Variants in LITAF observed in about 807,000 individuals in gnomAD.
The protein encoded by LITAF is lipopolysaccharide induced TNF factor, also known as lipopolysaccharide-induced tumor necrosis factor-alpha factor.
In LITAF, 9 loss-of-function variants were observed where a neutral mutation model predicts 14.5. That is an observed-to-expected ratio of 0.62 (90% CI 0.37 to 1.08). The LOEUF (loss-of-function observed/expected upper bound fraction) is 1.08. LITAF is among the 50% of genes least tolerant of loss of function. LITAF has a pLI of 0.01. For synonymous variants in LITAF, 98 were observed against 88.2 expected, an observed-to-expected ratio of 1.11 and a Z score of -0.62; for missense variants, 206 against 213.4, an observed-to-expected ratio of 0.97 and a Z score of 0.22.
At chr16:11,578,038 G>A (rs1371072541) in intron 1 of LITAF, among the ~76,000 whole-genome samples, 2 of 152,144 alleles carry the variant, frequency 1.3e-5, no homozygotes, top group African/African-American at 2.4e-5. Context: ...TGGGGCTACA[G>A]GTGTGCACCA....
intron 3 of LITAF, among the ~76,000 whole-genome samples, chr16:11,614,063 G>A (rs567209864): frequency 1.3e-5 from 2 of 152,196 alleles, no homozygotes; most frequent in South Asian, 2.1e-4. Context: ...GTACAGACGG[G>A]GCAGCTGAGG....
At chr16:11,584,970 G>T (rs1391326693) in intron 1 of LITAF, among the ~76,000 whole-genome samples, 1 of 152,194 alleles carries the variant, frequency 6.6e-6, no homozygotes, top group Non-Finnish European at 1.5e-5. Context: ...CATTTTGGGA[G>T]GCCAAGGCAG....
At chr16:11,563,147 T>C (rs2064397881) in intron 1 of LITAF, among the ~76,000 whole-genome samples, 1 of 133,326 alleles carries the variant, frequency 7.5e-6, no homozygotes, top group Admixed American at 9.0e-5. Context: ...AAAATTATAA[T>C]AATAATAATT....
intron 1 of LITAF, among the ~76,000 whole-genome samples, chr16:11,575,122 T>A (rs1032743806): frequency 6.6e-6 from 1 of 151,980 alleles, no homozygotes; most frequent in Non-Finnish European, 1.5e-5. Flanking sequence ...TTTTTTTTCA[T>A]GTTGCACTAT....
upstream of LITAF, chr16:11,587,694 A>G: frequency 9.4e-6 from 2 of 212,772 alleles, no homozygotes; most frequent in South Asian, 1.1e-4. Flanking sequence ...GCCCCATTTC[A>G]CATCCGCCCC....
rs67633068 is a variant in LITAF at position 11,604,644 on chromosome 16, T to TA, written c.85+28888dup. 9.0e-3 allele frequency among the ~76,000 whole-genome samples: 1,162 copies of TA among 128,536 alleles called. 7 individuals are homozygous for TA. Among genetic ancestry groups the TA allele is most frequent in the Non-Finnish European group, 0.013 (802 of 62,342 alleles). The allele number at this position is 128,536 out of a possible 152,430, so 84.3% of individuals were successfully genotyped here. ...CAACACAGCAAGACTCTGTCTCTCT[T>TA]AAAAAAAAAAAAAAAAAAAAAAGAA... is the stretch of plus-strand genomic sequence containing the variant. On this transcript the variant is annotated intron_variant, in intron 3 of 3. Coordinates refer to the LITAF transcript ENST00000574848.
rs915530248 is a variant in LITAF at position 11,634,576 on chromosome 16, T to A, written c.-20-939A>T. Among the ~76,000 whole-genome samples the A allele has an allele frequency of 6.6e-6, 1 of 152,202 alleles. No individual in the cohort carries two copies. Among genetic ancestry groups the A allele is most frequent in the Non-Finnish European group, 1.5e-5 (1 of 68,032 alleles). The stretch of plus-strand genomic sequence containing the variant: ...CTTTTGAAACGTCTTCTCAGGTTTT[T>A]GCATTTCTGACGATCCACTGAGGAC... On this transcript the variant is annotated intron_variant, in intron 2 of 3. Coordinates refer to the LITAF transcript ENST00000574848. This position sits in a 1 kb window ranked among gnomAD's most constrained non-coding sequence, Gnocchi z 4.1.
intron 3 of LITAF, among the ~76,000 whole-genome samples, chr16:11,614,958 G>A (rs2065008016): frequency 6.6e-6 from 1 of 152,208 alleles, no homozygotes; most frequent in African/African-American, 2.4e-5. Flanking sequence ...GGACCCTGTG[G>A]CCCGCTGTCA....
chr16:11,567,278 G>C (rs1597343454), intron 1 of LITAF, among the ~76,000 whole-genome samples: 2 of 152,252 alleles, frequency 1.3e-5, no homozygotes, highest in South Asian at 4.1e-4. Context: ...AAATTAGCCA[G>C]GCGTGGTGGC....
intron 3 of LITAF, among the ~76,000 whole-genome samples, chr16:11,622,494 T>C (rs1056322607): frequency 1.3e-5 from 2 of 152,214 alleles, no homozygotes; most frequent in Non-Finnish European, 2.9e-5. Context: ...GTGAACTTCA[T>C]TTTAATTCTG....
At chr16:11,556,783 C>T (rs770667765) in intron 1 of LITAF, 48 bp from the exon 2 acceptor site, 1 of 1,480,662 alleles carries the variant, frequency 6.8e-7, no homozygotes, top group Admixed American at 1.7e-5. Flanking sequence ...GTTGATCTCT[C>T]CCTCTCTTTT....
chr16:11,560,479 C>T lies in LITAF; in HGVS notation c.-5-3744G>A, dbSNP rs558760228. On this transcript the variant is annotated intron_variant, in intron 1 of 3. Coordinates refer to ENST00000622633, the MANE Select transcript of LITAF (RefSeq NM_001136472.2). ...TACAGAAATTAGCCAGGTCTGGTGG[C>T]GTGCGCCTGTAATCCCAGCACTTAA... is the stretch of plus-strand genomic sequence containing the variant. Among the ~76,000 whole-genome samples the T allele has an allele frequency of 7.3e-5, 11 of 150,718 alleles. No individual in the cohort carries two copies. The East Asian group carries it at 1.6e-3, about 21-fold the overall frequency.
At chr16:11,585,421 A>G (rs2064792008) in intron 1 of LITAF, among the ~76,000 whole-genome samples, 1 of 152,150 alleles carries the variant, frequency 6.6e-6, no homozygotes, top group Non-Finnish European at 1.5e-5. Context: ...TGTTTCTTAG[A>G]GAGTTTGGTG....
At chr16:11,637,414 C>T (rs994023289), upstream of LITAF, among the ~76,000 whole-genome samples, 1 of 152,260 alleles carries the variant, frequency 6.6e-6, no homozygotes, top group Non-Finnish European at 1.5e-5. Context: ...CAGAACTACT[C>T]AGTCCTCTTT....
At chr16:11,554,408 T>G (rs1473472961) in intron 2 of LITAF, among the ~76,000 whole-genome samples, 1 of 152,118 alleles carries the variant, frequency 6.6e-6, no homozygotes, top group Non-Finnish European at 1.5e-5. Context: ...GTGAACTGTG[T>G]TGATACAAGA....
chr16:11,639,262 T>C (rs909219128), upstream of LITAF, among the ~76,000 whole-genome samples: 7 of 148,502 alleles, frequency 4.7e-5, no homozygotes, highest in African/African-American at 1.0e-4. Context: ...GAGGGAGGAA[T>C]GGATGGATGG....
chr16:11,591,706 T>C (rs1467424171), upstream of LITAF, among the ~76,000 whole-genome samples: 1 of 152,140 alleles, frequency 6.6e-6, no homozygotes, highest in African/African-American at 2.4e-5. Context: ...AGTGGCGTGA[T>C]CTTGGCTCAC....
chr16:11,589,478 G>C (rs2064835555), upstream of LITAF, among the ~76,000 whole-genome samples: 1 of 152,150 alleles, frequency 6.6e-6, no homozygotes, highest in African/African-American at 2.4e-5. Context: ...GATTGAAAAG[G>C]ATAAAGTGAA....
chr16:11,619,671 A>G (rs1597373631), intron 3 of LITAF, among the ~76,000 whole-genome samples: 1 of 151,250 alleles, frequency 6.6e-6, no homozygotes, highest in African/African-American at 2.4e-5. Flanking sequence ...GGCTCAAACC[A>G]CCATCCTGCC....
Sources: gnomAD v4.1 joint callset for allele counts (sites outside exome capture counted in the v4.1 genomes callset) on GRCh38, gnomAD v4.1.1 for gene constraint, Gnocchi (gnomAD v3.1) non-coding constraint, MANE v1.5 for transcripts, NCBI Gene and HGNC (gene_info 2026-07-23, HGNC 2026-07-21) for gene names.